Variants in SLC30A3 observed in about 807,000 individuals in gnomAD.
The protein encoded by SLC30A3 is solute carrier family 30 member 3, also known as probable proton-coupled zinc antiporter SLC30A3.
In SLC30A3, 20 loss-of-function variants were observed where a neutral mutation model predicts 35.6. The observed-to-expected ratio is 0.56, with a 90% CI of 0.39 to 0.82. SLC30A3 has a LOEUF of 0.82. Among genes scored for constraint, SLC30A3 ranks in the 40% least tolerant of loss-of-function variants. The pLI is 0.00. For missense variants in SLC30A3, 401 were observed against 530.6 expected, an observed-to-expected ratio of 0.76 and a Z score of 2.40; for synonymous variants, 217 against 224.7, an observed-to-expected ratio of 0.97 and a Z score of 0.31.
Position 27,263,009 on chromosome 2 carries a change from G to C in SLC30A3, c.-103C>G, listed in dbSNP as rs1446644175. Reference sequence around the variant, plus strand: ...CCGCCGACCCCCGGGATCCCCGCAGGGCGGCGGGGCCACCAGAGTGGAGCG... The same window carrying C: ...CCGCCGACCCCCGGGATCCCCGCAGCGCGGCGGGGCCACCAGAGTGGAGCG... On this transcript the variant is annotated 5_prime_UTR_variant, in exon 1 of 8. Transcript: ENST00000233535. 1 of 1,410,802 alleles carries C rather than the reference G, an allele frequency of 7.1e-7. No individual in the cohort carries two copies. The highest frequency in any genetic ancestry group is 9.2e-7 in the Non-Finnish European group (1 of 1,090,646). The allele number at this position is 1,410,802 out of a possible 1,614,324, so 87.4% of individuals were successfully genotyped here.
Position 27,258,107 on chromosome 2 carries a change from G to A in SLC30A3, c.425-49C>T, listed in dbSNP as rs1480542506. 2 of 1,609,336 alleles carry A rather than the reference G, an allele frequency of 1.2e-6. No homozygotes were observed. The highest frequency in any genetic ancestry group is 1.7e-6 in the Non-Finnish European group (2 of 1,176,138). ...CTGTCAGAGACCTGCTTGGGACCCTGACGGGTGCCCTCTGGCAAGATTGGA... is the reference window on the plus strand; with the variant it reads ...CTGTCAGAGACCTGCTTGGGACCCTAACGGGTGCCCTCTGGCAAGATTGGA... On this transcript the variant is annotated intron_variant, in intron 3 of 7. Coordinates refer to ENST00000233535, the MANE Select transcript of SLC30A3 (RefSeq NM_003459.5). The surrounding 1 kb of genome is among the most constrained non-coding windows in gnomAD (Gnocchi z 4.0).
chr2:27,274,250 G>A (rs781044238), intron 1 of SLC30A3, among the ~76,000 whole-genome samples: 5 of 152,116 alleles, frequency 3.3e-5, no homozygotes, highest in Admixed American at 6.5e-5. Flanking sequence ...ACTTGAACCC[G>A]GAAGGCAGAG....
chr2:27,255,801 A>G lies in SLC30A3; in HGVS notation c.1019-341T>C. On this transcript the variant is annotated intron_variant, in intron 7 of 7. Coordinates refer to ENST00000233535, the MANE Select transcript of SLC30A3 (RefSeq NM_003459.5). The surrounding 1 kb of genome is among the most constrained non-coding windows in gnomAD (Gnocchi z 5.2). ...GTCTCATTGTCCCTCTAGAGTTTCCATCAAATATCCCACAAATTATAATAT... is the reference window on the plus strand; with the variant it reads ...GTCTCATTGTCCCTCTAGAGTTTCCGTCAAATATCCCACAAATTATAATAT... 1 of 256,114 alleles carries G rather than the reference A, an allele frequency of 3.9e-6. No individual in the cohort carries two copies. The highest frequency in any genetic ancestry group is 7.5e-6 in the Non-Finnish European group (1 of 133,608). The allele number at this position is 256,114 out of a possible 1,614,324, so 15.9% of individuals were successfully genotyped here.
Position 27,257,983 on chromosome 2 carries a change from C to T in SLC30A3, c.500G>A (p.Arg167His), listed in dbSNP as rs368210448. 4 of 1,614,022 alleles carry T rather than the reference C, an allele frequency of 2.5e-6. No individual in the cohort carries two copies. The highest frequency in any genetic ancestry group is 1.7e-5 in the Admixed American group (1 of 60,002). Residue 167 changes from arginine (R) to histidine (H), a missense_variant, in exon 4 of 8, where the codon CGC becomes CAC. Coordinates refer to ENST00000233535, the MANE Select transcript of SLC30A3 (RefSeq NM_003459.5). This position sits in a 1 kb window ranked among gnomAD's most constrained non-coding sequence, Gnocchi z 4.7. ...GATGTGGTAGTCGCTGTGCAGCAGG[C>T]GGACGAAGGCCAGGTACAGGAGGAT... The part of the protein sequence containing the change: ...TGILLYLAFV[R>H]LLHSDYHIEG...
At position 27,255,411 on chromosome 2, in the gene SLC30A3, G is replaced by A. The variant is rs747363474; in HGVS notation, c.1068C>T (p.Leu356=). 3.1e-6 allele frequency: 5 copies of A among 1,613,986 alleles called. No homozygotes were observed. The highest frequency in any genetic ancestry group is 4.2e-6 in the Non-Finnish European group (5 of 1,180,026). The change falls in exon 8 of 8, where the codon CTC becomes CTT. Residue 356 remains leucine (L), a synonymous_variant. Transcript: ENST00000233535. The surrounding 1 kb of genome is among the most constrained non-coding windows in gnomAD (Gnocchi z 5.2). ...AGCTGGAGAATCCAAACCGGGAGTA[G>A]AGCCGGGATGAGGCTTCAGCCAGGA... The part of the protein sequence containing the change: ...EAVLAEASSR[L]YSRFGFSSCT...
intron 1 of SLC30A3, among the ~76,000 whole-genome samples, chr2:27,269,388 T>C (rs1214340654): frequency 3.3e-5 from 5 of 152,000 alleles, no homozygotes; most frequent in African/African-American, 1.2e-4. Flanking sequence ...TTTGTATTTT[T>C]AGTAGAGACG....
At chr2:27,263,271 A>G, upstream of SLC30A3, 1 of 495,776 alleles carries the variant, frequency 2.0e-6, no homozygotes, top group South Asian at 1.6e-5. Context: ...CAGGCGAGCT[A>G]GCCCCACCTC....
chr2:27,258,691 G>T lies in SLC30A3; in HGVS notation c.277+62C>A. On this transcript the variant is annotated intron_variant, in intron 2 of 7. Coordinates refer to ENST00000233535, the MANE Select transcript of SLC30A3 (RefSeq NM_003459.5). This position sits in a 1 kb window ranked among gnomAD's most constrained non-coding sequence, Gnocchi z 4.0. ...ACCCAGGAACATTCCTGGGACTCTG[G>T]GTGGAGAGTGGCTTGGGCAGGTATT... is the stretch of plus-strand genomic sequence containing the variant. 1 of 1,555,514 alleles carries T rather than the reference G, an allele frequency of 6.4e-7. No homozygotes were observed. Among genetic ancestry groups the T allele is most frequent in the Non-Finnish European group, 8.9e-7 (1 of 1,129,322 alleles).
Position 27,271,892 on chromosome 2 carries a change from G to A in SLC30A3, c.-159+3285C>T, listed in dbSNP as rs904125920. 2.6e-5 allele frequency among the ~76,000 whole-genome samples: 4 copies of A among 152,232 alleles called. No individual in the cohort carries two copies. Among genetic ancestry groups the A allele is most frequent in the African/African-American group, 9.6e-5 (4 of 41,470 alleles). On this transcript the variant is annotated intron_variant, in intron 1 of 5. Transcript: ENST00000424577. This position sits in a 1 kb window ranked among gnomAD's most constrained non-coding sequence, Gnocchi z 4.3. ...GCCATGAACTGTGATTAGTTAGAAT[G>A]TCAGAGGGCCATGATAAGAAGTGAA...
At chr2:27,266,677 C>G (rs1399806389), upstream of SLC30A3, among the ~76,000 whole-genome samples, 1 of 152,164 alleles carries the variant, frequency 6.6e-6, no homozygotes, top group Non-Finnish European at 1.5e-5. Context: ...AGGCAGATCA[C>G]TTGAGATCAG....
At chr2:27,267,281 A>T (rs1677534109), upstream of SLC30A3, among the ~76,000 whole-genome samples, 1 of 152,076 alleles carries the variant, frequency 6.6e-6, no homozygotes, top group Non-Finnish European at 1.5e-5. Flanking sequence ...CCATGTTTCC[A>T]TCCTTACTGC....
intron 1 of SLC30A3, among the ~76,000 whole-genome samples, chr2:27,269,658 G>A (rs1355694814): frequency 6.6e-6 from 1 of 151,996 alleles, no homozygotes; most frequent in Non-Finnish European, 1.5e-5. Context: ...AGAAGAAAGA[G>A]CACAAGCAGA....
chr2:27,256,188 G>A (rs911899787), intron 7 of SLC30A3, 198 bp downstream of exon 7: 2 of 634,922 alleles, frequency 3.1e-6, no homozygotes, highest in African/African-American at 1.8e-5. Flanking sequence ...TCCAGTGGAT[G>A]GAGACTCCTT....
chr2:27,257,963 G>T lies in SLC30A3; in HGVS notation c.520C>A (p.His174Asn). 1 of 1,614,208 alleles carries T rather than the reference G, an allele frequency of 6.2e-7. No homozygotes were observed. The highest frequency in any genetic ancestry group is 8.5e-7 in the Non-Finnish European group (1 of 1,180,020). The part of the protein sequence containing the change: ...AFVRLLHSDY[H>N]IEGGAMLLTA... ...AGCAGCATGGCACCCCCCTCGATGT[G>T]GTAGTCGCTGTGCAGCAGGCGGACG... Residue 174 changes from histidine to asparagine, a missense_variant, in exon 4 of 8, where the codon CAC becomes AAC. His to Asn is a moderately conservative substitution (Grantham distance 68). This residue lies in a region of SLC30A3 where 296 missense variants were observed against 392.6 expected (regional missense o/e 0.75). Coordinates refer to ENST00000233535, the MANE Select transcript of SLC30A3 (RefSeq NM_003459.5). This position sits in a 1 kb window ranked among gnomAD's most constrained non-coding sequence, Gnocchi z 4.7.
intron 1 of SLC30A3, among the ~76,000 whole-genome samples, chr2:27,270,818 C>A (rs1416400436): frequency 6.6e-6 from 1 of 152,016 alleles, no homozygotes; most frequent in Non-Finnish European, 1.5e-5. Context: ...GAGGCAAACA[C>A]AATTGGGTGG....
intron 1 of SLC30A3, among the ~76,000 whole-genome samples, chr2:27,268,386 GGT>G (rs935078657): frequency 2.0e-5 from 3 of 152,168 alleles, no homozygotes; most frequent in African/African-American, 7.2e-5. Context: ...GTGGAGAAAT[GGT>G]GTGACAGCAA....
rs1455371456 is a variant in SLC30A3 at position 27,271,697 on chromosome 2, T to A, written c.-159+3480A>T. Among the ~76,000 whole-genome samples, 1 of 152,294 alleles carries A rather than the reference T, an allele frequency of 6.6e-6. No homozygotes were observed. The highest frequency in any genetic ancestry group is 1.9e-4 in the East Asian group (1 of 5,182). On this transcript the variant is annotated intron_variant, in intron 1 of 5. Transcript: ENST00000424577. The surrounding 1 kb of genome is among the most constrained non-coding windows in gnomAD (Gnocchi z 4.3). ...TGAGAAGAGCCCAGGCATAGAACAC[T>A]CAGTCAAAGAGGCTCTGGTTTCTAG...
chr2:27,262,846 G>C lies in SLC30A3; in HGVS notation c.61C>G (p.Arg21Gly), dbSNP rs766989486. 3.2e-6 allele frequency: 5 copies of C among 1,565,776 alleles called. No homozygotes were observed. Among genetic ancestry groups the C allele is most frequent in the South Asian group, 1.2e-5 (1 of 86,004 alleles). ...ETTRLVSPRD[R>G]GGAGGSLRLK... is the part of the protein sequence containing the mutation. ...CGCAGGCTGCCTCCGGCGCCACCGCGGTCCCGGGGGCTCACCAGGCGAGTG... is the reference window on the plus strand; with the variant it reads ...CGCAGGCTGCCTCCGGCGCCACCGCCGTCCCGGGGGCTCACCAGGCGAGTG... The change falls in exon 1 of 8, where the codon CGC becomes GGC. Residue 21 changes from arginine to glycine, a missense_variant. This residue lies in a region of SLC30A3 where 103 missense variants were observed against 120.7 expected (regional missense o/e 0.85). Transcript: ENST00000233535. The surrounding 1 kb of genome is among the most constrained non-coding windows in gnomAD (Gnocchi z 7.5).
At chr2:27,266,576 G>A (rs1185179005), upstream of SLC30A3, among the ~76,000 whole-genome samples, 1 of 152,112 alleles carries the variant, frequency 6.6e-6, no homozygotes, top group Non-Finnish European at 1.5e-5. Context: ...CTCTATTTTT[G>A]TATGGGTTTG....
Sources: gnomAD v4.1 joint callset for allele counts (sites outside exome capture counted in the v4.1 genomes callset) on GRCh38, gnomAD v4.1.1 for gene constraint, gnomAD v4.1.1 regional missense constraint, Gnocchi (gnomAD v3.1) non-coding constraint, MANE v1.5 for transcripts, NCBI Gene and HGNC (gene_info 2026-07-23, HGNC 2026-07-21) for gene names.